ATP11C: variants seen among roughly 807,000 people sequenced by gnomAD.
ATP11C encodes the protein phospholipid-transporting ATPase IG.
In ATP11C, 36 loss-of-function variants were observed where a neutral mutation model predicts 97.4. That is an observed-to-expected ratio of 0.37 (90% CI 0.28 to 0.49). The LOEUF is 0.49. Among genes scored for constraint, ATP11C ranks in the 20% least tolerant of loss-of-function variants. The probability of loss-of-function intolerance (pLI) is 0.98; values close to 1 mark genes in which losing one functional copy is unlikely to be tolerated. For missense variants in ATP11C, 730 were observed against 824.6 expected (o/e 0.89, Z 1.40); for synonymous variants, 275 against 290.9 (o/e 0.95, Z 0.56).
At chrX:139,741,172 G>A (rs1439769832) in intron 26 of ATP11C, 78 bp from the exon 27 acceptor site, 2 of 595,204 alleles carry the variant, frequency 3.4e-6, no homozygotes. Context: ...CTGATAACTA[G>A]TACACAATGA....
intron 16 of ATP11C, among the ~76,000 whole-genome samples, chrX:139,784,520 G>A (rs1033738550): frequency 2.7e-5 from 3 of 110,741 alleles, no homozygotes; most frequent in Non-Finnish European, 3.8e-5. Flanking sequence ...AAACCACCTC[G>A]GCACACCACA....
chrX:139,900,815 T>C (rs1357145013), intron 1 of ATP11C, among the ~76,000 whole-genome samples: 2 of 112,309 alleles, frequency 1.8e-5, no homozygotes, highest in Non-Finnish European at 3.8e-5. Context: ...TTATGAATGT[T>C]TGGGTTCCCC....
chrX:139,758,393 CAA>C lies in ATP11C; in HGVS notation c.2641-528_2641-527del, dbSNP rs771758784. On this transcript the variant is annotated intron_variant, in intron 22 of 29. Transcript: ENST00000682941. The stretch of plus-strand genomic sequence containing the variant: ...CACAAAGGTGGCACACAGATGATAA[CAA>C]AAAAAGAGTCAACTTCTTTTTCCTA... Among the ~76,000 whole-genome samples, 31 of 111,484 alleles carry C rather than the reference CAA, an allele frequency of 2.8e-4. No individual in the cohort carries two copies. In the East Asian group the frequency reaches 3.1e-3, roughly 11 times the overall value.
At chrX:139,901,176 G>A (rs1276927313) in intron 1 of ATP11C, among the ~76,000 whole-genome samples, 2 of 111,813 alleles carry the variant, frequency 1.8e-5, no homozygotes, top group Non-Finnish European at 3.8e-5. Context: ...TGGACACCTG[G>A]ACTATCAAAA....
chrX:139,933,518 T>C (rs2085481013), upstream of ATP11C, among the ~76,000 whole-genome samples: 1 of 112,287 alleles, frequency 8.9e-6, no homozygotes, highest in African/African-American at 3.2e-5. Context: ...TGGGCATCCC[T>C]CCCAACTACC....
At chrX:139,889,091 A>G (rs983938616) in intron 1 of ATP11C, among the ~76,000 whole-genome samples, 4 of 112,052 alleles carry the variant, frequency 3.6e-5, no homozygotes, top group Admixed American at 9.5e-5. Context: ...TACAGGTGTG[A>G]GCCACCATGC....
At chrX:139,927,752 A>T (rs1488474797) in intron 1 of ATP11C, among the ~76,000 whole-genome samples, 2 of 111,228 alleles carry the variant, frequency 1.8e-5, no homozygotes, top group Non-Finnish European at 3.8e-5. Flanking sequence ...AGGAAAAAAA[A>T]AAAGATTATA....
At chrX:139,764,939 A>G (rs995875401) in intron 20 of ATP11C, among the ~76,000 whole-genome samples, 1 of 112,115 alleles carries the variant, frequency 8.9e-6, no homozygotes, top group Non-Finnish European at 1.9e-5. Flanking sequence ...ATAGGCTACA[A>G]TAATGGTTAA....
chrX:139,896,228 C>T (rs888535807), intron 1 of ATP11C, among the ~76,000 whole-genome samples: 1 of 110,913 alleles, frequency 9.0e-6, no homozygotes, highest in Admixed American at 9.7e-5. Context: ...ACACTATGTA[C>T]CGTGGATATA....
intron 24 of ATP11C, among the ~76,000 whole-genome samples, chrX:139,746,938 A>T (rs2148642558): frequency 8.9e-6 from 1 of 112,101 alleles, no homozygotes; most frequent in East Asian, 2.8e-4. Context: ...CACCTTTGTA[A>T]TATAAATGCA....
chrX:139,887,461 C>CAA (rs200174893), intron 1 of ATP11C, among the ~76,000 whole-genome samples: 2 of 108,900 alleles, frequency 1.8e-5, no homozygotes, highest in Admixed American at 9.9e-5. Context: ...CCTGTTTCTA[C>CAA]AAAAAAAACC....
chrX:139,734,037 A>G (rs1421337650), intron 28 of ATP11C, among the ~76,000 whole-genome samples: 1 of 111,141 alleles, frequency 9.0e-6, no homozygotes, highest in Non-Finnish European at 1.9e-5. Context: ...AGTCATCTAG[A>G]GAGCTTTGAC....
intron 29 of ATP11C, among the ~76,000 whole-genome samples, chrX:139,729,646 C>T (rs1478316764): frequency 2.7e-5 from 3 of 111,738 alleles, no homozygotes; most frequent in Middle Eastern, 4.6e-3. Flanking sequence ...AGATTCTTCT[C>T]TGTCCTCTAA....
intron 1 of ATP11C, among the ~76,000 whole-genome samples, chrX:139,851,119 C>T: frequency 9.0e-6 from 1 of 110,848 alleles, no homozygotes; most frequent in Admixed American, 9.6e-5. Flanking sequence ...TGAGGCTGCC[C>T]TCCCATTACA....
intron 1 of ATP11C, among the ~76,000 whole-genome samples, chrX:139,906,036 G>A (rs1208031168): frequency 9.0e-6 from 1 of 111,177 alleles, no homozygotes; most frequent in East Asian, 2.8e-4. Context: ...CCAAGTATGT[G>A]CAACACTCTT....
At chrX:139,751,127 G>C (rs2081805799) in intron 23 of ATP11C, among the ~76,000 whole-genome samples, 1 of 112,310 alleles carries the variant, frequency 8.9e-6, no homozygotes, top group Admixed American at 9.4e-5. Flanking sequence ...AAAAGGCTGG[G>C]AATTACTTGA....
chrX:139,935,119 T>A (rs1356500626), upstream of ATP11C, among the ~76,000 whole-genome samples: 5 of 112,285 alleles, frequency 4.5e-5, no homozygotes, highest in African/African-American at 1.6e-4. Context: ...GTTAAACAAG[T>A]GGAAAAAATG....
chrX:139,874,209 ATT>A (rs140962708), intron 1 of ATP11C, among the ~76,000 whole-genome samples: 6,206 of 81,594 alleles, frequency 0.076, 353 homozygotes, highest in East Asian at 0.22. Flanking sequence ...TGCCTGGCTA[ATT>A]TTTTTTTTTT....
intron 19 of ATP11C, among the ~76,000 whole-genome samples, chrX:139,771,203 T>C (rs894040324): frequency 5.4e-5 from 6 of 111,281 alleles, no homozygotes; most frequent in Admixed American, 3.8e-4. Context: ...GTAAGTCTCA[T>C]GAGATCTGAT....
Sources: gnomAD v4.1 joint callset for allele counts (sites outside exome capture counted in the v4.1 genomes callset) on GRCh38, gnomAD v4.1.1 for gene constraint, MANE v1.5 for transcripts, NCBI Gene and HGNC (gene_info 2026-07-23, HGNC 2026-07-21) for gene names.